ZNF597: variants seen among roughly 807,000 people sequenced by gnomAD.
The protein encoded by ZNF597 is zinc finger protein 597.
Under a neutral mutation model 7.3 loss-of-function variants are expected in ZNF597, and 5 were observed. The ratio of observed to expected loss-of-function variants is 0.68; its 90% CI spans 0.36 to 1.44. The LOEUF is 1.44. ZNF597 is among the 40% of genes most tolerant of loss of function. The probability of loss-of-function intolerance (pLI) is 0.04; values close to 1 mark genes in which losing one functional copy is unlikely to be tolerated. For missense variants in ZNF597, 585 were observed against 517.9 expected (o/e 1.13, Z -1.26); for synonymous variants, 209 against 185.4 (o/e 1.13, Z -1.04).
In ZNF597 at chr16:3,440,932, C is replaced by T. The variant is rs139189056; in HGVS notation, c.35G>A (p.Gly12Glu). ...AGCCAGATCCTCAAAGAGTATTGGT[C>T]CCTGAAACACAAGAGCCTGTGTCAG... Reference protein sequence around the residue: ...ASMPPTPEAQGPILFEDLAVY... With the variant: ...ASMPPTPEAQEPILFEDLAVY... The change falls in exon 3 of 4, where the codon GGA becomes GAA. Residue 12 changes from glycine to glutamate, a missense_variant and splice_region_variant. Physicochemically the swap from Gly to Glu is moderately conservative, Grantham distance 98 (BLOSUM62 -2). Transcript: ENST00000301744. 2.8e-5 allele frequency: 45 copies of T among 1,612,864 alleles called. No individual in the cohort carries two copies. In the African/African-American group the frequency reaches 4.9e-4, roughly 18 times the overall value.
intron 2 of ZNF597, among the ~76,000 whole-genome samples, chr16:3,442,439 A>G (rs987688929): frequency 1.3e-5 from 2 of 151,994 alleles, no homozygotes; most frequent in Non-Finnish European, 2.9e-5. Flanking sequence ...ACTTTGGGAG[A>G]CCGAGGCGGG....
Position 3,443,455 on chromosome 16 carries a change from A to G in ZNF597, c.-149T>C, listed in dbSNP as rs1308051674. On this transcript the variant is annotated 5_prime_UTR_variant, in exon 1 of 4. Coordinates refer to ENST00000301744, the MANE Select transcript of ZNF597 (RefSeq NM_152457.3). ...CGACGAAGAACGCCACGGCCACTGCAAAACTCCCACGCTCTCATGCTCCTT... is the reference window on the plus strand; with the variant it reads ...CGACGAAGAACGCCACGGCCACTGCGAAACTCCCACGCTCTCATGCTCCTT... 6 of 521,064 alleles carry G rather than the reference A, an allele frequency of 1.2e-5. No homozygotes were observed. Among genetic ancestry groups the G allele is most frequent in the Non-Finnish European group, 2.0e-5 (6 of 298,818 alleles). 32.3% of individuals were successfully genotyped at this position (521,064 alleles called of 1,614,324 possible).
At position 3,436,583 on chromosome 16, in the gene ZNF597, T is replaced by G; in HGVS notation, c.1116A>C (p.Lys372Asn). 6.2e-7 allele frequency: 1 copy of G among 1,610,252 alleles called. No individual in the cohort carries two copies. The highest frequency in any genetic ancestry group is 8.5e-7 in the Non-Finnish European group (1 of 1,177,896). Residue 372 changes from lysine (K) to asparagine (N), a missense_variant, in exon 4 of 4, where the codon AAA (lysine) becomes AAC (asparagine). Lys to Asn is a moderately conservative substitution (Grantham distance 94, BLOSUM62 0). Coordinates refer to ENST00000301744, the MANE Select transcript of ZNF597 (RefSeq NM_152457.3). Reference protein sequence around the residue: ...IHTEERPHKCKTCEESFALDS... With the variant: ...IHTEERPHKCNTCEESFALDS... The stretch of plus-strand genomic sequence containing the variant: ...CCAAAGCAAAACTTTCCTCGCATGT[T>G]TTGCACTTATGGGGCCTTTCCTCTG...
chr16:3,441,080 T>G, intron 2 of ZNF597, 147 bp from the exon 3 acceptor site: 3 of 1,087,782 alleles, frequency 2.8e-6, no homozygotes, highest in East Asian at 2.7e-5. Context: ...GTAGGGCAAA[T>G]GGGTTCTAAG....
intron 3 of ZNF597, 29 bp from the exon 4 acceptor site, chr16:3,437,567 C>T (rs1260413786): frequency 6.4e-7 from 1 of 1,559,770 alleles, no homozygotes; most frequent in Non-Finnish European, 8.6e-7. Flanking sequence ...GAAAGCAAAA[C>T]ATAGACAATA....
chr16:3,442,816 G>C (rs2034409007), intron 2 of ZNF597, among the ~76,000 whole-genome samples: 1 of 152,146 alleles, frequency 6.6e-6, no homozygotes, highest in African/African-American at 2.4e-5. Context: ...AGCCAGACAA[G>C]CAACACTCCA....
chr16:3,443,029 C>A (rs779545707), intron 2 of ZNF597, 92 bp downstream of exon 2: 18 of 1,521,174 alleles, frequency 1.2e-5, no homozygotes, highest in Non-Finnish European at 1.4e-5. Context: ...ACTCCTACCA[C>A]AACAGGCATG....
At chr16:3,441,173 A>T (rs1292996137) in intron 2 of ZNF597, among the ~76,000 whole-genome samples, 1 of 152,206 alleles carries the variant, frequency 6.6e-6, no homozygotes, top group Non-Finnish European at 1.5e-5. Flanking sequence ...GACTGTGAGA[A>T]TTATTGTCTA....
At chr16:3,441,322 T>C (rs1271254381) in intron 2 of ZNF597, among the ~76,000 whole-genome samples, 2 of 151,804 alleles carry the variant, frequency 1.3e-5, no homozygotes, top group Non-Finnish European at 2.9e-5. Flanking sequence ...CTGAGGGGGA[T>C]GCAGATGACT....
In ZNF597 at chr16:3,437,113, T is replaced by C; in HGVS notation, c.586A>G (p.Arg196Gly). ...CTCCTGTGTGTCCTCAGGTTGGCTC[T>C]ATGATTGAAGATCTTTCCACAGTCA... ...CGDCGKIFNH[R>G]ANLRTHRRIH... The change falls in exon 4 of 4, where the codon AGA (arginine) becomes GGA (glycine). Residue 196 changes from arginine (R) to glycine (G), a missense_variant. Physicochemically the swap from Arg to Gly is moderately radical, Grantham distance 125 (BLOSUM62 -2). Coordinates refer to ENST00000301744, the MANE Select transcript of ZNF597 (RefSeq NM_152457.3). 6.2e-7 allele frequency: 1 copy of C among 1,614,236 alleles called. No homozygotes were observed. Among genetic ancestry groups the C allele is most frequent in the South Asian group, 1.1e-5 (1 of 91,084 alleles).
chr16:3,443,139 G>C lies in ZNF597; in HGVS notation c.15C>G (p.Pro5=), dbSNP rs755704757. 2 of 1,613,714 alleles carry C rather than the reference G, an allele frequency of 1.2e-6. No homozygotes were observed. The highest frequency in any genetic ancestry group is 1.7e-6 in the Non-Finnish European group (2 of 1,179,842). ...GACTCACCTGGGCCTCGGGCGTCGG[G>C]GGCATGGACGCCATTTGGCGGGTGG... is the stretch of plus-strand genomic sequence containing the variant. The part of the protein sequence containing the change: MASM[P]PTPEAQGPIL... The change falls in exon 2 of 4, where the codon CCC becomes CCG. Residue 5 remains proline (P), a synonymous_variant. Coordinates refer to ENST00000301744, the MANE Select transcript of ZNF597 (RefSeq NM_152457.3).
rs2034419397 is a variant in ZNF597, at chr16:3,443,201, A to G, written c.-48T>C. 6.3e-7 allele frequency: 1 copy of G among 1,593,002 alleles called. No homozygotes were observed. The highest frequency in any genetic ancestry group is 1.7e-5 in the Admixed American group (1 of 58,456). On this transcript the variant is annotated 5_prime_UTR_variant, in exon 2 of 4. Coordinates refer to ENST00000301744, the MANE Select transcript of ZNF597 (RefSeq NM_152457.3). ...TTCAAGACGCCACAGGGACTTCGTG[A>G]CAAAGCTGCGGGGGGAGAGAACAGT... is the stretch of plus-strand genomic sequence containing the variant.
chr16:3,441,757 TCAAAAACAAAAA>T (rs931317791), intron 2 of ZNF597, among the ~76,000 whole-genome samples: 1 of 136,046 alleles, frequency 7.4e-6, no homozygotes, highest in Non-Finnish European at 1.6e-5. Flanking sequence ...ACACTCCATC[TCAAAAACAAAAA>T]CAAAAACAAA....
intron 3 of ZNF597, among the ~76,000 whole-genome samples, chr16:3,440,401 C>G (rs944388523): frequency 6.6e-6 from 1 of 151,980 alleles, no homozygotes; most frequent in Non-Finnish European, 1.5e-5. Flanking sequence ...TTTGGGAGGC[C>G]GAGGCGGGTG....
Position 3,433,200 on chromosome 16 carries a change from A to T in ZNF597, c.*3224T>A, listed in dbSNP as rs967609847. On this transcript the variant is annotated 3_prime_UTR_variant, in exon 4 of 4. Coordinates refer to ENST00000301744, the MANE Select transcript of ZNF597 (RefSeq NM_152457.3). ...ACCACCTGTAGCAACAAAGCTCTAAATAAAACTATTCTGAGTCGACCTCAT... is the reference window on the plus strand; with the variant it reads ...ACCACCTGTAGCAACAAAGCTCTAATTAAAACTATTCTGAGTCGACCTCAT... 1.3e-5 allele frequency: 2 copies of T among 152,236 alleles called. No homozygotes were observed. The highest frequency in any genetic ancestry group is 4.8e-5 in the African/African-American group (2 of 41,464). The allele number at this position is 152,236 out of a possible 1,614,324, so 9.4% of individuals were successfully genotyped here.
At position 3,435,476 on chromosome 16, in the gene ZNF597, C is replaced by G. The variant is rs1319165036; in HGVS notation, c.*948G>C. 1 of 152,228 alleles carries G rather than the reference C, an allele frequency of 6.6e-6. No individual in the cohort carries two copies. Among genetic ancestry groups the G allele is most frequent in the East Asian group, 1.9e-4 (1 of 5,202 alleles). The allele number at this position is 152,228 out of a possible 1,614,324, so 9.4% of individuals were successfully genotyped here. A position where few individuals can be genotyped will look rare whatever the true frequency, so the allele number is the denominator to read the frequency against. On this transcript the variant is annotated 3_prime_UTR_variant, in exon 4 of 4. Transcript: ENST00000301744. ...AGTCAGAGAAACCCAAGCTTAATGTCAGTTTCACCACAATGTGATTTGTGT... is the reference window on the plus strand; with the variant it reads ...AGTCAGAGAAACCCAAGCTTAATGTGAGTTTCACCACAATGTGATTTGTGT...
rs2034289183 is a variant in ZNF597 at position 3,435,316 on chromosome 16, T to A, written c.*1108A>T. 6.6e-6 allele frequency: 1 copy of A among 152,340 alleles called. No individual in the cohort carries two copies. The highest frequency in any genetic ancestry group is 2.1e-4 in the South Asian group (1 of 4,832). The allele number at this position is 152,340 out of a possible 1,614,324, so 9.4% of individuals were successfully genotyped here. On this transcript the variant is annotated 3_prime_UTR_variant, in exon 4 of 4. Transcript: ENST00000301744. ...CAAAGGGAATGAAGGGGTTCCAGGATGCAAGCACACAGAATCGCCTCCATG... is the reference window on the plus strand; with the variant it reads ...CAAAGGGAATGAAGGGGTTCCAGGAAGCAAGCACACAGAATCGCCTCCATG...
Position 3,433,796 on chromosome 16 carries a change from T to G in ZNF597, c.*2628A>C, listed in dbSNP as rs2034275108. On this transcript the variant is annotated 3_prime_UTR_variant, in exon 4 of 4. Transcript: ENST00000301744. ...CAATAAGCACAACTGAAAATATGCC[T>G]CTTTCACAGTAACTGACACTTCCGG... 1 of 152,232 alleles carries G rather than the reference T, an allele frequency of 6.6e-6. No individual in the cohort carries two copies. Among genetic ancestry groups the G allele is most frequent in the African/African-American group, 2.4e-5 (1 of 41,458 alleles). 9.4% of individuals were successfully genotyped at this position (152,232 alleles called of 1,614,324 possible). A position where few individuals can be genotyped will look rare whatever the true frequency, so the allele number is the denominator to read the frequency against.
At position 3,433,923 on chromosome 16, in the gene ZNF597, T is replaced by A. The variant is rs912620621; in HGVS notation, c.*2501A>T. The A allele has an allele frequency of 2.6e-5, 4 of 152,190 alleles. No homozygotes were observed. The highest frequency in any genetic ancestry group is 5.9e-5 in the Non-Finnish European group (4 of 68,048). The allele number at this position is 152,190 out of a possible 1,614,324, so 9.4% of individuals were successfully genotyped here. On this transcript the variant is annotated 3_prime_UTR_variant, in exon 4 of 4. Coordinates refer to ENST00000301744, the MANE Select transcript of ZNF597 (RefSeq NM_152457.3). The stretch of plus-strand genomic sequence containing the variant: ...GTTAATGTTTCTGAAAAGGGCTATT[T>A]TTTCTAATCTTTTAGGAAGTTTGTC...
Sources: allele counts gnomAD v4.1 joint callset (sites outside exome capture counted in the v4.1 genomes callset), GRCh38; gene constraint gnomAD v4.1.1; transcripts MANE v1.5; gene names NCBI Gene and HGNC (gene_info 2026-07-23, HGNC 2026-07-21).